Variants in MUC4 observed in about 807,000 individuals in gnomAD.
MUC4 encodes the protein mucin-4.
A neutral mutation model predicts 257.9 loss-of-function variants in MUC4; 202 were observed. The ratio of observed to expected loss-of-function variants is 0.78; its 90% CI spans 0.70 to 0.88. The LOEUF is 0.88. Ranked by LOEUF, MUC4 falls within the 40% of genes least tolerant of loss-of-function variation. The pLI is 0.00. For missense variants in MUC4, 5,976 were observed against 6,513.7 expected (o/e 0.92, Z 2.84); for synonymous variants, 2,351 against 2,757.1 (o/e 0.85, Z 4.62).
In MUC4 at chr3:195,757,189, AC is replaced by A. The variant is rs1475918130; in HGVS notation, c.15125del (p.Cys5042PhefsTer60). 1 of 1,611,226 alleles carries A rather than the reference AC, an allele frequency of 6.2e-7. No homozygotes were observed. Among genetic ancestry groups the A allele is most frequent in the Non-Finnish European group, 8.5e-7 (1 of 1,177,788 alleles). ...CCACCCTGCTGGTCTGATTGTACAA[AC>A]ACTGGCTCTCTGCATTGCAATGGCA... ...VVCHCNAESQ[C>X]LYNQTSRVGN... On this transcript the variant is annotated frameshift_variant, in exon 18 of 25. Transcript: ENST00000463781. LOFTEE classifies it high-confidence loss of function. This position sits in a 1 kb window ranked among gnomAD's most constrained non-coding sequence, Gnocchi z 4.8.
chr3:195,788,782 G>T lies in MUC4; in HGVS notation c.2798C>A (p.Ser933Ter), dbSNP rs544023027. Reference sequence around the variant, plus strand: ...CGATGGAGGTGTGGGTGGGACTGTTGAGAAGGTGTCGGTTGCCTGGGACGC... The same window carrying T: ...CGATGGAGGTGTGGGTGGGACTGTTTAGAAGGTGTCGGTTGCCTGGGACGC... Reference protein sequence around the residue: ...SLASQATDTFSTVPPTPPSIT... With the variant: ...SLASQATDTF The change falls in exon 2 of 25, where the codon TCA (serine) becomes TAA (stop). Residue 933 changes from serine to a stop codon, truncating the protein, a stop_gained. Transcript: ENST00000463781. LOFTEE classifies it high-confidence loss of function. The T allele has an allele frequency of 6.2e-6, 10 of 1,613,852 alleles. No homozygotes were observed. The highest frequency in any genetic ancestry group is 5.9e-6 in the Non-Finnish European group (7 of 1,179,872).
intron 23 of MUC4, among the ~76,000 whole-genome samples, chr3:195,749,347 GA>G (rs1467742847): frequency 2.6e-5 from 4 of 152,232 alleles, no homozygotes; most frequent in African/African-American, 9.7e-5. Context: ...GGTTCCTGTG[GA>G]AAAAGGTTCC....
Position 195,770,213 on chromosome 3 carries a change from C to G in MUC4, c.13398+3G>C. 1 of 1,600,022 alleles carries G rather than the reference C, an allele frequency of 6.2e-7. No individual in the cohort carries two copies. Among genetic ancestry groups the G allele is most frequent in the Non-Finnish European group, 8.5e-7 (1 of 1,174,180 alleles). On this transcript the variant is annotated splice_donor_region_variant and intron_variant, in intron 6 of 24. Coordinates refer to ENST00000463781, the MANE Select transcript of MUC4 (RefSeq NM_018406.7). ...CCTGGGAGCTGCCCAGGGGTCTACT[C>G]ACCCCGAGGGTCCACTGGGCAGGAT...
intron 21 of MUC4, chr3:195,751,831 T>A: frequency 5.2e-6 from 1 of 193,612 alleles, no homozygotes; most frequent in Non-Finnish European, 1.1e-5. Context: ...GCGTTATCAT[T>A]TAAACGGTGA....
Position 195,786,736 on chromosome 3 carries a change from G to T in MUC4, c.4844C>A (p.Thr1615Asn), listed in dbSNP as rs1362172663. 4 of 1,517,982 alleles carry T rather than the reference G, an allele frequency of 2.6e-6. No homozygotes were observed. In the East Asian group the frequency reaches 1.0e-4, roughly 39 times the overall value. 94.0% of individuals were successfully genotyped at this position (1,517,982 alleles called of 1,614,324 possible). Reference protein sequence around the residue: ...SPSSASTGHTTPLPVTDTSSA... With the variant: ...SPSSASTGHTNPLPVTDTSSA... ...GGAAGTGTCGGTGACAGGAAGAGGGGTGGTGTGACCTGTAGATGCTGAGGA... is the reference window on the plus strand; with the variant it reads ...GGAAGTGTCGGTGACAGGAAGAGGGTTGGTGTGACCTGTAGATGCTGAGGA... The change falls in exon 2 of 25, where the codon ACC becomes AAC. Residue 1615 changes from threonine to asparagine, a missense_variant. Around this residue, in one of 44 missense-constraint regions of MUC4, gnomAD observed 61 missense variants for 100.2 expected, o/e 0.61. Transcript: ENST00000463781.
intron 16 of MUC4, 105 bp from the exon 17 acceptor site, chr3:195,759,366 G>A (rs1718314926): frequency 1.4e-6 from 2 of 1,403,166 alleles, no homozygotes; most frequent in East Asian, 2.3e-5. Context: ...TCCCAGGACT[G>A]TGACCCACCT....
At chr3:195,765,179 G>C (rs1414914161) in intron 9 of MUC4, 57 bp from the exon 10 acceptor site, 9 of 1,586,272 alleles carry the variant, frequency 5.7e-6, no homozygotes, top group Non-Finnish European at 7.7e-6. Flanking sequence ...GGCGGGGTGG[G>C]AACAAGCAGG....
Position 195,789,326 on chromosome 3 carries a change from C to T in MUC4, c.2254G>A (p.Glu752Lys). ...NSVVSTPGGPEGQWTSASAST... is the reference protein window; with the variant it reads ...NSVVSTPGGPKGQWTSASAST... ...GCAGAGGCTGATGTCCATTGTCCTT[C>T]TGGGCCCCCTGGTGTTGACACTACA... is the stretch of plus-strand genomic sequence containing the variant. Residue 752 changes from glutamate to lysine, a missense_variant, in exon 2 of 25, where the codon GAA becomes AAA. Around this residue, in one of 44 missense-constraint regions of MUC4, gnomAD observed 1,583 missense variants for 1,257.4 expected, o/e 1.26. Transcript: ENST00000463781. The T allele has an allele frequency of 6.2e-7, 1 of 1,613,882 alleles. No homozygotes were observed. Among genetic ancestry groups the T allele is most frequent in the Non-Finnish European group, 8.5e-7 (1 of 1,179,858 alleles).
Position 195,754,360 on chromosome 3 carries a change from T to C in MUC4, c.15181A>G (p.Lys5061Glu), listed in dbSNP as rs1392172290. The change falls in exon 19 of 25, where the codon AAG (lysine) becomes GAG (glutamate). Residue 5061 changes from lysine (K) to glutamate (E), a missense_variant. Transcript: ENST00000463781. ...GNSSLEVAGCKCDGGTFGRYC... is the reference protein window; with the variant it reads ...GNSSLEVAGCECDGGTFGRYC... ...CGGCCGAAGGTGCCCCCGTCACACT[T>C]GCAGCCAGCCACCTGGAGGAGGGTT... is the stretch of plus-strand genomic sequence containing the variant. 1.2e-6 allele frequency: 2 copies of C among 1,608,668 alleles called. No individual in the cohort carries two copies. Among genetic ancestry groups the C allele is most frequent in the Admixed American group, 3.4e-5 (2 of 59,692 alleles).
rs780362261 is a variant in MUC4 at position 195,788,685 on chromosome 3, G to T, written c.2895C>A (p.Thr965=). 4 of 1,612,260 alleles carry T rather than the reference G, an allele frequency of 2.5e-6. No individual in the cohort carries two copies. Among genetic ancestry groups the T allele is most frequent in the East Asian group, 4.5e-5 (2 of 44,886 alleles). The part of the protein sequence containing the change: ...HTLSPSGSGK[T]FTTALISNAT... ...CGTTGCTGATGAGGGCCGTGGTGAA[G>T]GTTTTACCAGACCCTGAAGGTGACA... The change falls in exon 2 of 25, where the codon ACC becomes ACA. Residue 965 remains threonine (T), a synonymous_variant. Coordinates refer to ENST00000463781, the MANE Select transcript of MUC4 (RefSeq NM_018406.7).
chr3:195,756,398 TG>T (rs887891685), intron 18 of MUC4, among the ~76,000 whole-genome samples: 1 of 152,176 alleles, frequency 6.6e-6, no homozygotes, highest in African/African-American at 2.4e-5. Flanking sequence ...CGCAGAGCTG[TG>T]GGGCGCTGTG....
At chr3:195,776,098 A>G (rs1197340307) in intron 3 of MUC4, among the ~76,000 whole-genome samples, 1 of 20,990 alleles carries the variant, frequency 4.8e-5, no homozygotes, top group Admixed American at 3.7e-4. Context: ...TACCTTCCAC[A>G]CCCATACCTT....
chr3:195,767,636 C>T (rs1402821156), intron 7 of MUC4, among the ~76,000 whole-genome samples: 15 of 119,310 alleles, frequency 1.3e-4, no homozygotes, highest in South Asian at 2.5e-4. Flanking sequence ...ACCATCACCA[C>T]CACCATCGCC....
rs1199484379 is a variant in MUC4, at chr3:195,747,208, A to AG, written c.16206dup (p.Tyr5403LeufsTer7). The AG allele has an allele frequency of 7.4e-6, 12 of 1,614,140 alleles. No homozygotes were observed. Among genetic ancestry groups the AG allele is most frequent in the Non-Finnish European group, 1.0e-5 (12 of 1,180,042 alleles). On this transcript the variant is annotated frameshift_variant, in exon 25 of 25. Coordinates refer to ENST00000463781, the MANE Select transcript of MUC4 (RefSeq NM_018406.7). LOFTEE classifies it high-confidence loss of function. ...AAGGCCTCAGCTGAGTTCAGGAAAT[A>AG]GGAGAACCTGGCCCCGGAGCAACCC...
At chr3:195,768,959 C>G in intron 7 of MUC4, 63 bp downstream of exon 7, 1 of 1,559,522 alleles carries the variant, frequency 6.4e-7, no homozygotes, top group South Asian at 1.2e-5. Flanking sequence ...GTGTGTGCAG[C>G]GAAAGCCGAC....
Position 195,763,558 on chromosome 3 carries a change from C to T in MUC4, c.14128G>A (p.Gly4710Arg), listed in dbSNP as rs143026198. 1 of 1,591,530 alleles carries T rather than the reference C, an allele frequency of 6.3e-7. No homozygotes were observed. Among genetic ancestry groups the T allele is most frequent in the Admixed American group, 1.7e-5 (1 of 58,196 alleles). ...FNGLGDFLLV[G>R]AQDGNSSFLL... The stretch of plus-strand genomic sequence containing the variant: ...AAGGAGGAGTTCCCGTCTTGGGCCC[C>T]GACCAGCAGGAAGTCCCCCAGCCCA... The change falls in exon 12 of 25, where the codon GGG becomes AGG. Residue 4710 changes from glycine (G) to arginine (R), a missense_variant. Coordinates refer to ENST00000463781, the MANE Select transcript of MUC4 (RefSeq NM_018406.7).
intron 1 of MUC4, among the ~76,000 whole-genome samples, chr3:195,801,445 C>A (rs938250862): frequency 6.6e-6 from 1 of 151,986 alleles, no homozygotes; most frequent in Non-Finnish European, 1.5e-5. Flanking sequence ...CCCGGGGCCC[C>A]GGGGCTCCCT....
In MUC4 at chr3:195,789,528, C is replaced by A; in HGVS notation, c.2052G>T (p.Gln684His). ...TTGCTGCACTTATGGTGGGTGCGTCCTGAGGAACAATTTCTGAGGGCGAGT... is the reference window on the plus strand; with the variant it reads ...TTGCTGCACTTATGGTGGGTGCGTCATGAGGAACAATTTCTGAGGGCGAGT... ...SGHSPSEIVP[Q>H]DAPTISAATT... Residue 684 changes from glutamine to histidine, a missense_variant, in exon 2 of 25, where the codon CAG (glutamine) becomes CAT (histidine). By Grantham distance (24) the Gln-to-His change is conservative. Around this residue, in one of 44 missense-constraint regions of MUC4, gnomAD observed 1,583 missense variants for 1,257.4 expected, o/e 1.26. Transcript: ENST00000463781. 6.2e-7 allele frequency: 1 copy of A among 1,613,834 alleles called. No homozygotes were observed. Among genetic ancestry groups the A allele is most frequent in the Non-Finnish European group, 8.5e-7 (1 of 1,179,852 alleles).
rs754772966 is a variant in MUC4, at chr3:195,782,359, G to A, written c.9221C>T (p.Pro3074Leu). 1.8e-5 allele frequency: 26 copies of A among 1,433,460 alleles called. No homozygotes were observed. Among genetic ancestry groups the A allele is most frequent in the South Asian group, 1.4e-4 (11 of 78,840 alleles). The allele number at this position is 1,433,460 out of a possible 1,614,324, so 88.8% of individuals were successfully genotyped here. The part of the protein sequence containing the change: ...SASTGHATPL[P>L]VTDTSSASTG... ...GGATGCTGAGGAAGTGTCGGTGACA[G>A]GAAGCGGGGTGGCGTGACCGGTGGA... Residue 3074 changes from proline (P) to leucine (L), a missense_variant, in exon 2 of 25, where the codon CCT (proline) becomes CTT (leucine). Pro to Leu is a moderately conservative substitution (Grantham distance 98). This residue lies in a region of MUC4 where 52 missense variants were observed against 102.2 expected (regional missense o/e 0.51). Transcript: ENST00000463781.
Sources: gnomAD v4.1 joint callset for allele counts (sites outside exome capture counted in the v4.1 genomes callset) on GRCh38, gnomAD v4.1.1 for gene constraint, gnomAD v4.1.1 regional missense constraint, Gnocchi (gnomAD v3.1) non-coding constraint, MANE v1.5 for transcripts, NCBI Gene and HGNC (gene_info 2026-07-23, HGNC 2026-07-21) for gene names.